The following CDH3 variants were observed in gnomAD, a reference collection of about 807,000 sequenced individuals.
The protein encoded by CDH3 is cadherin 3.
In CDH3, 54 loss-of-function variants were observed where a neutral mutation model predicts 82.0. That is an observed-to-expected ratio of 0.66 (90% CI 0.53 to 0.83). The LOEUF is 0.83. Among genes scored for constraint, CDH3 ranks in the 40% least tolerant of loss-of-function variants. The pLI is 0.00. For synonymous variants in CDH3, 446 were observed against 437.9 expected (o/e 1.02, Z -0.23); for missense variants, 1,054 against 1,084.6 (o/e 0.97, Z 0.40).
At chr16:68,684,960 T>C (rs2152102777) in intron 10 of CDH3, 136 bp downstream of exon 10, 1 of 1,252,684 alleles carries the variant, frequency 8.0e-7, no homozygotes, top group African/African-American at 1.5e-5. Context: ...CTCTTCTTCC[T>C]ACCCTCTTTG....
chr16:68,686,781 C>T (rs1305987752), intron 11 of CDH3: 1 of 582,468 alleles, frequency 1.7e-6, no homozygotes, highest in African/African-American at 1.9e-5. Flanking sequence ...ATATTTCTCT[C>T]TTATAATAAA....
Position 68,720,293 on chromosome 16 carries a change from C to T in CDH3, c.100-2132C>T, listed in dbSNP as rs1434993311. The stretch of plus-strand genomic sequence containing the variant: ...AAAAAAAAAAGAGAAAGAAAGAGAG[C>T]GTGAGATCTGTGAAATTCTGGGTAG... On this transcript the variant is annotated intron_variant, in intron 1 of 2. Coordinates refer to the CDH3 transcript ENST00000569080. Among the ~76,000 whole-genome samples the T allele has an allele frequency of 4.6e-5, 7 of 151,764 alleles. No homozygotes were observed. In the East Asian group the frequency reaches 5.8e-4, roughly 13 times the overall value.
chr16:68,716,336 G>T (rs1015174981), intron 1 of CDH3, among the ~76,000 whole-genome samples: 1 of 151,280 alleles, frequency 6.6e-6, no homozygotes, highest in African/African-American at 2.4e-5. Flanking sequence ...GTGCTATTGA[G>T]GCAGCCAGGC....
Position 68,698,595 on chromosome 16 carries a change from G to A in CDH3, c.*195G>A. 1 of 604,720 alleles carries A rather than the reference G, an allele frequency of 1.7e-6. No individual in the cohort carries two copies. The highest frequency in any genetic ancestry group is 2.8e-5 in the East Asian group (1 of 36,010). 37.5% of individuals were successfully genotyped at this position (604,720 alleles called of 1,614,324 possible). On this transcript the variant is annotated 3_prime_UTR_variant, in exon 16 of 16. Transcript: ENST00000264012. ...CAGGATGGAGGAATGTGGGCAGTTT[G>A]ACTTCAGCACTGAAAACCTCTCCAC...
intron 12 of CDH3, among the ~76,000 whole-genome samples, chr16:68,690,622 T>A (rs886486709): frequency 7.3e-6 from 1 of 136,320 alleles, no homozygotes. Context: ...AAAAAAAAAA[T>A]TGAAGGCCGG....
chr16:68,695,767 T>A lies in CDH3; in HGVS notation c.2134-10T>A, dbSNP rs763310208. ...TCCTCAGTCACCTGCTCTCCTGCAT[T>A]TCCCCACAGGACTATGACATCACCC... is the stretch of plus-strand genomic sequence containing the variant. On this transcript the variant is annotated splice_polypyrimidine_tract_variant and intron_variant, in intron 14 of 15. Coordinates refer to ENST00000264012, the MANE Select transcript of CDH3 (RefSeq NM_001793.6). 6.2e-7 allele frequency: 1 copy of A among 1,613,954 alleles called. No homozygotes were observed. The highest frequency in any genetic ancestry group is 2.2e-5 in the East Asian group (1 of 44,872).
At position 68,698,146 on chromosome 16, in the gene CDH3, A is replaced by G. The variant is rs3114409; in HGVS notation, c.2281-45A>G. 2.5e-6 allele frequency: 4 copies of G among 1,578,400 alleles called. No individual in the cohort carries two copies. In the African/African-American group the frequency reaches 4.1e-5, roughly 16 times the overall value. ...GAAATGGAGGCTTGCAGCTGGCAAGAGGCAGGACCCGCCGCTCCTAACTAC... is the reference window on the plus strand; with the variant it reads ...GAAATGGAGGCTTGCAGCTGGCAAGGGGCAGGACCCGCCGCTCCTAACTAC... On this transcript the variant is annotated intron_variant, in intron 15 of 15. Transcript: ENST00000264012.
chr16:68,724,238 A>G (rs992427273), intron 2 of CDH3, among the ~76,000 whole-genome samples: 1 of 152,152 alleles, frequency 6.6e-6, no homozygotes, highest in African/African-American at 2.4e-5. Flanking sequence ...CTGTCTCAAA[A>G]AAGTAAATAA....
In CDH3 at chr16:68,695,342, A is replaced by T; in HGVS notation, c.2090A>T (p.Asn697Ile). ...CTCCCAGAAGATGACACCCGTGACA[A>T]CGTCTTCTACTATGGCGAAGAGGGG... ...LLLPEDDTRD[N>I]VFYYGEEGGG... Residue 697 changes from asparagine to isoleucine, a missense_variant, in exon 14 of 16, where the codon AAC (asparagine) becomes ATC (isoleucine). Physicochemically the swap from Asn to Ile is moderately radical, Grantham distance 149. Transcript: ENST00000264012. 1 of 1,614,028 alleles carries T rather than the reference A, an allele frequency of 6.2e-7. No homozygotes were observed.
chr16:68,689,775 C>T (rs1285941901), intron 12 of CDH3, among the ~76,000 whole-genome samples: 1 of 151,776 alleles, frequency 6.6e-6, no homozygotes, highest in Admixed American at 6.6e-5. Context: ...CTAAGAGGAG[C>T]CCAGCGAGAG....
rs879010849 is a variant in CDH3 at position 68,698,708 on chromosome 16, G to A, written c.*308G>A. The A allele has an allele frequency of 1.4e-5, 6 of 415,800 alleles. No individual in the cohort carries two copies. The highest frequency in any genetic ancestry group is 4.0e-5 in the Admixed American group (1 of 25,208). 25.8% of individuals were successfully genotyped at this position (415,800 alleles called of 1,614,324 possible). A position where few individuals can be genotyped will look rare whatever the true frequency, so the allele number is the denominator to read the frequency against. On this transcript the variant is annotated 3_prime_UTR_variant, in exon 16 of 16. Transcript: ENST00000264012. ...AACCCTGTGTCCTGGGCCTGGGCCT[G>A]CTGTGACTGACCTACAGTGGACTTT...
In CDH3 at chr16:68,677,475, C is replaced by T. The variant is rs564454074; in HGVS notation, c.247-659C>T. 4.6e-5 allele frequency among the ~76,000 whole-genome samples: 7 copies of T among 152,326 alleles called. No individual in the cohort carries two copies. In the South Asian group the frequency reaches 6.2e-4, roughly 14 times the overall value. ...AAATCAGGCCGAATGCGGTGGCTCA[C>T]GCGTGTAATCCCAGCACTTTGGGAG... On this transcript the variant is annotated intron_variant, in intron 3 of 15. Transcript: ENST00000264012.
At chr16:68,659,545 A>C (rs1235037663) in intron 2 of CDH3, among the ~76,000 whole-genome samples, 1 of 150,560 alleles carries the variant, frequency 6.6e-6, no homozygotes, top group East Asian at 2.0e-4. Flanking sequence ...ACTGCACTGC[A>C]CTCCAGCCTG....
intron 2 of CDH3, chr16:68,651,799 C>G (rs1458533804): frequency 2.1e-6 from 1 of 485,788 alleles, no homozygotes; most frequent in East Asian, 5.1e-5. Context: ...TCCTTCAGGC[C>G]CTGCTGGAAG....
intron 2 of CDH3, among the ~76,000 whole-genome samples, chr16:68,676,072 A>T (rs1299991340): frequency 6.6e-6 from 1 of 152,196 alleles, no homozygotes; most frequent in Non-Finnish European, 1.5e-5. Flanking sequence ...AGTCAACCCC[A>T]TGTCACATGA....
In CDH3 at chr16:68,687,725, T is replaced by C; in HGVS notation, c.1784T>C (p.Val595Ala). 1 of 1,613,354 alleles carries C rather than the reference T, an allele frequency of 6.2e-7. No homozygotes were observed. Among genetic ancestry groups the C allele is most frequent in the Non-Finnish European group, 8.5e-7 (1 of 1,179,634 alleles). ...DDSDIYWTAE[V>A]NEEGDTVVLS... Reference sequence around the variant, plus strand: ...TCAGACATCTACTGGACGGCAGAGGTCAACGAGGAAGGTACCTGAGTGAGT... The same window carrying C: ...TCAGACATCTACTGGACGGCAGAGGCCAACGAGGAAGGTACCTGAGTGAGT... Residue 595 changes from valine to alanine, a missense_variant, in exon 12 of 16, where the codon GTC (valine) becomes GCC (alanine). Val to Ala is a moderately conservative substitution (Grantham distance 64, BLOSUM62 0). Coordinates refer to ENST00000264012, the MANE Select transcript of CDH3 (RefSeq NM_001793.6).
intron 2 of CDH3, among the ~76,000 whole-genome samples, chr16:68,649,774 C>T (rs1447165372): frequency 2.0e-5 from 3 of 152,172 alleles, no homozygotes; most frequent in African/African-American, 7.2e-5. Flanking sequence ...TGGCTCACGG[C>T]TGTAATCCCA....
At chr16:68,716,812 C>T (rs1034656539) in intron 1 of CDH3, among the ~76,000 whole-genome samples, 6 of 151,870 alleles carry the variant, frequency 4.0e-5, no homozygotes, top group Admixed American at 2.0e-4. Context: ...CAGCCTCAAC[C>T]TCCCGGGCTC....
chr16:68,724,738 C>T (rs1329807109), intron 2 of CDH3, among the ~76,000 whole-genome samples: 2 of 152,126 alleles, frequency 1.3e-5, no homozygotes, highest in Non-Finnish European at 2.9e-5. Flanking sequence ...CCACAAAGTC[C>T]CTTTTTTTGA....
Sources: gnomAD v4.1 joint callset for allele counts (sites outside exome capture counted in the v4.1 genomes callset) on GRCh38, gnomAD v4.1.1 for gene constraint, MANE v1.5 for transcripts, NCBI Gene and HGNC (gene_info 2026-07-23, HGNC 2026-07-21) for gene names.